The following OGA variants were observed in gnomAD, a reference collection of about 807,000 sequenced individuals.
OGA encodes protein O-GlcNAcase.
OGA carries 21 observed loss-of-function variants against 102.0 expected under a neutral mutation model. The ratio of observed to expected loss-of-function variants is 0.21; its 90% CI spans 0.15 to 0.30. The LOEUF is 0.30. Ranked by LOEUF, OGA falls within the 10% of genes least tolerant of loss-of-function variation. The pLI, the probability that OGA is intolerant of heterozygous loss-of-function variation, is 1.00. For missense variants in OGA, 765 were observed against 1,107.8 expected (o/e 0.69, Z 4.39); for synonymous variants, 408 against 378.2 (o/e 1.08, Z -0.91).
intron 3 of OGA, among the ~76,000 whole-genome samples, chr10:101,812,206 C>G (rs970724527): frequency 6.6e-6 from 1 of 152,182 alleles, no homozygotes. Flanking sequence ...TGCTATACTA[C>G]TTTTTATCAA....
chr10:101,802,811 T>C (rs1262581852), intron 7 of OGA, among the ~76,000 whole-genome samples: 3 of 150,972 alleles, frequency 2.0e-5, no homozygotes, highest in African/African-American at 7.3e-5. Context: ...TTTTCATAAA[T>C]TAAAAATTAG....
At chr10:101,809,716 A>AAG (rs1554838800) in intron 4 of OGA, among the ~76,000 whole-genome samples, 8 of 150,260 alleles carry the variant, frequency 5.3e-5, no homozygotes, top group African/African-American at 2.0e-4. Context: ...AAAAAAAAAA[A>AAG]AAAAGAAAAA....
At chr10:101,791,833 AT>A (rs748999493) in intron 12 of OGA, among the ~76,000 whole-genome samples, 319 of 141,316 alleles carry the variant, frequency 2.3e-3, no homozygotes, top group African/African-American at 3.7e-3. Flanking sequence ...TACTCATCTA[AT>A]TTTTTTTTTT....
At chr10:101,800,574 C>A (rs1345266937) in intron 7 of OGA, among the ~76,000 whole-genome samples, 174 bp from the exon 8 acceptor site, 2 of 152,034 alleles carry the variant, frequency 1.3e-5, no homozygotes, top group Admixed American at 1.3e-4. Context: ...TTCACCAAAC[C>A]ACTTCATATA....
Position 101,792,056 on chromosome 10 carries a change from C to T in OGA, c.2176-617G>A, listed in dbSNP as rs1230756351. ...TTTTTGAGACGGAGTCTCGCTCTGTCGCCCCAGGCTGGAGTGCAGTGGCAT... is the reference window on the plus strand; with the variant it reads ...TTTTTGAGACGGAGTCTCGCTCTGTTGCCCCAGGCTGGAGTGCAGTGGCAT... On this transcript the variant is annotated intron_variant, in intron 12 of 15. Transcript: ENST00000361464. Among the ~76,000 whole-genome samples, 6 of 147,500 alleles carry T rather than the reference C, an allele frequency of 4.1e-5. No homozygotes were observed. In the South Asian group the frequency reaches 8.6e-4, roughly 21 times the overall value.
At chr10:101,791,965 T>TAC (rs1402879598) in intron 12 of OGA, among the ~76,000 whole-genome samples, 20 of 152,274 alleles carry the variant, frequency 1.3e-4, no homozygotes, top group African/African-American at 4.8e-4. Flanking sequence ...TAGCTGGGAT[T>TAC]ACAGGCACCC....
chr10:101,803,610 A>T, intron 7 of OGA, 125 bp downstream of exon 7: 1 of 1,068,628 alleles, frequency 9.4e-7, no homozygotes, highest in Non-Finnish European at 1.3e-6. Context: ...GTAAAACAAA[A>T]TACGTTTTTA....
chr10:101,813,684 CAT>C (rs2065586145), intron 1 of OGA, 78 bp from the exon 2 acceptor site: 5 of 803,824 alleles, frequency 6.2e-6, no homozygotes, highest in African/African-American at 3.5e-5. Context: ...AGTTACAAAA[CAT>C]ATAATACAAT....
Position 101,799,036 on chromosome 10 carries a change from C to T in OGA, c.1615G>A (p.Val539Met), listed in dbSNP as rs376528026. Reference protein sequence around the residue: ...TDEQTNKEQFVPGPNEKPLYT... With the variant: ...TDEQTNKEQFMPGPNEKPLYT... ...AAAGGCTTTTCATTTGGACCTGGCA[C>T]AAACTGCTCCTTGTTTGTCTGTTCA... The change falls in exon 9 of 16, where the codon GTG becomes ATG. Residue 539 changes from valine (V) to methionine (M), a missense_variant. Val to Met is a conservative substitution (Grantham distance 21). This residue lies in a region of OGA where 281 missense variants were observed against 345.8 expected (regional missense o/e 0.81). Transcript: ENST00000361464. The T allele has an allele frequency of 1.1e-5, 17 of 1,614,246 alleles. No individual in the cohort carries two copies. The highest frequency in any genetic ancestry group is 1.2e-5 in the Non-Finnish European group (14 of 1,180,046).
At chr10:101,811,405 T>G (rs1358219038) in intron 3 of OGA, among the ~76,000 whole-genome samples, 4 of 9,020 alleles carry the variant, frequency 4.4e-4, no homozygotes, top group South Asian at 1.3e-3. Context: ...TGAAAAAAAA[T>G]GAAAAAAAAA....
Position 101,799,452 on chromosome 10 carries a change from C to T in OGA, c.1199G>A (p.Arg400Lys), listed in dbSNP as rs762723666. The T allele has an allele frequency of 5.6e-6, 9 of 1,605,256 alleles. No individual in the cohort carries two copies. In the South Asian group the frequency reaches 1.0e-4, roughly 18 times the overall value. ...EFGVPHQYSS[R>K]QVAHSGAKAS... is the part of the protein sequence containing the mutation. Reference sequence around the variant, plus strand: ...TTTAGCTCCACTGTGTGCAACTTGCCTACCTACAAAAATAAATAAATGTAT... The same window carrying T: ...TTTAGCTCCACTGTGTGCAACTTGCTTACCTACAAAAATAAATAAATGTAT... Residue 400 changes from arginine to lysine, a missense_variant, in exon 9 of 16, where the codon AGG becomes AAG. Physicochemically the swap from Arg to Lys is conservative, Grantham distance 26. This residue lies in a region of OGA where 281 missense variants were observed against 345.8 expected (regional missense o/e 0.81). Transcript: ENST00000361464.
intron 3 of OGA, among the ~76,000 whole-genome samples, chr10:101,812,092 A>G (rs1194599287): frequency 2.0e-5 from 3 of 152,244 alleles, no homozygotes; most frequent in East Asian, 1.9e-4. Context: ...CTGTAACCAA[A>G]TATCTTGTTA....
intron 3 of OGA, among the ~76,000 whole-genome samples, chr10:101,810,642 T>C (rs1032809831): frequency 6.6e-6 from 1 of 152,242 alleles, no homozygotes; most frequent in Non-Finnish European, 1.5e-5. Context: ...TTTTCCTCCC[T>C]TTCATTGCCA....
At chr10:101,796,280 A>C (rs2065315182) in intron 10 of OGA, among the ~76,000 whole-genome samples, 1 of 152,030 alleles carries the variant, frequency 6.6e-6, no homozygotes, top group South Asian at 2.1e-4. Flanking sequence ...CCAGCCCCAC[A>C]AGATGAAGTC....
chr10:101,808,000 C>CTAGAATGTTCAAAGACAGATTT, intron 4 of OGA, 99 bp from the exon 5 acceptor site: 1 of 973,726 alleles, frequency 1.0e-6, no homozygotes, highest in Non-Finnish European at 1.4e-6. Flanking sequence ...ATTTTCCTTA[C>CTAGAATGTTCAAAGACAGATTT]TAGAATGTTC....
chr10:101,815,094 A>G (rs982702310), intron 1 of OGA, among the ~76,000 whole-genome samples: 2 of 152,306 alleles, frequency 1.3e-5, no homozygotes, highest in East Asian at 3.9e-4. Flanking sequence ...CACAATCTAC[A>G]TAAGAGACTA....
At chr10:101,805,570 G>C (rs1188322518) in intron 6 of OGA, among the ~76,000 whole-genome samples, 4 of 150,598 alleles carry the variant, frequency 2.7e-5, no homozygotes, top group African/African-American at 7.4e-5. Context: ...CAGGAGAATT[G>C]CTTGAACCCG....
intron 1 of OGA, among the ~76,000 whole-genome samples, chr10:101,817,068 T>C (rs1355105169): frequency 6.6e-6 from 1 of 152,218 alleles, no homozygotes; most frequent in East Asian, 1.9e-4. Context: ...ATCTGTCCAT[T>C]CTCATCCAGA....
At chr10:101,815,963 G>GAAAAAAAAAAAA (rs1364147466) in intron 1 of OGA, among the ~76,000 whole-genome samples, 1 of 44,856 alleles carries the variant, frequency 2.2e-5, no homozygotes, top group African/African-American at 8.5e-5. Flanking sequence ...CAAAAAGAGA[G>GAAAAAAAAAAAA]AAAAAAAAAA....
Sources: allele counts gnomAD v4.1 joint callset (sites outside exome capture counted in the v4.1 genomes callset), GRCh38; gene constraint gnomAD v4.1.1; regional missense constraint gnomAD v4.1.1; transcripts MANE v1.5; gene names NCBI Gene and HGNC (gene_info 2026-07-23, HGNC 2026-07-21).